Variants in PTPRR observed in about 807,000 individuals in gnomAD.
PTPRR encodes the protein receptor-type tyrosine-protein phosphatase R.
Under a neutral mutation model 77.2 loss-of-function variants are expected in PTPRR, and 38 were observed. The ratio of observed to expected loss-of-function variants is 0.49; its 90% CI spans 0.38 to 0.65. The LOEUF is 0.65. PTPRR is among the 30% of genes least tolerant of loss of function. The pLI is 0.00. For missense variants in PTPRR, 744 were observed against 799.2 expected (o/e 0.93, Z 0.83); for synonymous variants, 299 against 283.1 (o/e 1.06, Z -0.57).
chr12:70,856,159 G>T (rs1387160931), intron 2 of PTPRR, among the ~76,000 whole-genome samples: 1 of 151,998 alleles, frequency 6.6e-6, no homozygotes, highest in East Asian at 1.9e-4. Context: ...ATATTATCAG[G>T]CACTTAAATG....
chr12:70,910,729 C>G (rs1237197682), intron 1 of PTPRR, among the ~76,000 whole-genome samples: 1 of 152,148 alleles, frequency 6.6e-6, no homozygotes, highest in Non-Finnish European at 1.5e-5. Flanking sequence ...AATCCTGATG[C>G]TCTAGAGGTA....
intron 13 of PTPRR, among the ~76,000 whole-genome samples, chr12:70,652,331 G>A (rs1465945771): frequency 1.3e-5 from 2 of 152,128 alleles, no homozygotes; most frequent in Admixed American, 1.3e-4. Flanking sequence ...GTAAGATGAG[G>A]TGAAACGAAA....
chr12:70,817,972 G>C (rs1891934726), intron 2 of PTPRR, among the ~76,000 whole-genome samples: 1 of 152,160 alleles, frequency 6.6e-6, no homozygotes, highest in Non-Finnish European at 1.5e-5. Flanking sequence ...CCAGCAGTTT[G>C]GGAGGCCGAG....
At chr12:70,813,243 T>C (rs1891841533) in intron 2 of PTPRR, among the ~76,000 whole-genome samples, 2 of 152,252 alleles carry the variant, frequency 1.3e-5, no homozygotes, top group African/African-American at 4.8e-5. Context: ...AATGTTGATA[T>C]GCAATGTATA....
chr12:70,788,828 T>G (rs1342199414), intron 2 of PTPRR: 1 of 1,525,640 alleles, frequency 6.6e-7, no homozygotes, highest in East Asian at 2.5e-5. Flanking sequence ...GTTTGGAAAT[T>G]GACTGCATGT....
chr12:70,904,153 G>A (rs1319151689), intron 1 of PTPRR, among the ~76,000 whole-genome samples: 1 of 151,858 alleles, frequency 6.6e-6, no homozygotes, highest in African/African-American at 2.4e-5. Flanking sequence ...TGGTTTGACA[G>A]TTTCTTGTAA....
rs529795097 is a variant in PTPRR, at chr12:70,698,991, T to C, written c.1195-642A>G. On this transcript the variant is annotated intron_variant, in intron 7 of 13. Coordinates refer to ENST00000283228, the MANE Select transcript of PTPRR (RefSeq NM_002849.4). ...ATTCTTATTTTATCAGAGTATACATTATATGCCTCAAGTGATTGGACAGGG... is the reference window on the plus strand; with the variant it reads ...ATTCTTATTTTATCAGAGTATACATCATATGCCTCAAGTGATTGGACAGGG... Among the ~76,000 whole-genome samples the C allele has an allele frequency of 2.6e-4, 40 of 152,284 alleles. 1 individual carries two copies. The South Asian group carries it at 8.3e-3, about 32-fold the overall frequency.
At chr12:70,754,808 A>C in intron 4 of PTPRR, 1 of 1,396,824 alleles carries the variant, frequency 7.2e-7, no homozygotes. Flanking sequence ...TCTTTTAATC[A>C]CATCTTTTTT....
At chr12:70,884,695 G>A (rs1300173123) in intron 2 of PTPRR, among the ~76,000 whole-genome samples, 16 of 145,154 alleles carry the variant, frequency 1.1e-4, no homozygotes, top group African/African-American at 3.3e-4. Context: ...GTGAAACCCC[G>A]TCTCTACTAA....
intron 2 of PTPRR, among the ~76,000 whole-genome samples, chr12:70,855,780 T>C (rs1892641355): frequency 6.6e-6 from 1 of 152,182 alleles, no homozygotes; most frequent in African/African-American, 2.4e-5. Context: ...TTTTAAGGCT[T>C]TTAGGCCAAA....
chr12:70,756,738 T>C (rs1592736511), intron 4 of PTPRR, among the ~76,000 whole-genome samples: 1 of 152,166 alleles, frequency 6.6e-6, no homozygotes. Context: ...TGTTTAATAA[T>C]TTGATGCACT....
At chr12:70,761,679 A>G in intron 3 of PTPRR, 53 bp from the exon 4 acceptor site, 1 of 1,384,114 alleles carries the variant, frequency 7.2e-7, no homozygotes, top group Non-Finnish European at 9.7e-7. Context: ...ACAACTTTGG[A>G]TAATATTTTT....
chr12:70,655,352 A>T (rs1332280186), intron 13 of PTPRR, among the ~76,000 whole-genome samples: 1 of 152,230 alleles, frequency 6.6e-6, no homozygotes, highest in Non-Finnish European at 1.5e-5. Flanking sequence ...TCAAAAAATT[A>T]AAAATAGAAT....
At chr12:70,812,601 C>T (rs1271414327) in intron 2 of PTPRR, among the ~76,000 whole-genome samples, 2 of 152,156 alleles carry the variant, frequency 1.3e-5, no homozygotes, top group African/African-American at 4.8e-5. Flanking sequence ...ACTGCAATAA[C>T]AATTAACTAT....
At chr12:70,728,041 A>G (rs576297222) in intron 6 of PTPRR, among the ~76,000 whole-genome samples, 1 of 149,906 alleles carries the variant, frequency 6.7e-6, no homozygotes, top group East Asian at 2.0e-4. Flanking sequence ...CTAAGGCCCC[A>G]TAGAGCATAA....
intron 1 of PTPRR, among the ~76,000 whole-genome samples, chr12:70,905,803 T>TA (rs1893612838): frequency 6.6e-6 from 1 of 151,944 alleles, no homozygotes; most frequent in Admixed American, 6.6e-5. Context: ...AAAGAAAGAA[T>TA]AAAACAGTGG....
intron 10 of PTPRR, among the ~76,000 whole-genome samples, chr12:70,667,205 C>T (rs536125428): frequency 2.0e-5 from 3 of 152,148 alleles, no homozygotes; most frequent in Admixed American, 2.0e-4. Context: ...ATCCTCCTGC[C>T]TTGGCCTCCC....
intron 2 of PTPRR, among the ~76,000 whole-genome samples, chr12:70,828,815 G>A (rs984030110): frequency 6.6e-6 from 1 of 152,316 alleles, no homozygotes; most frequent in African/African-American, 2.4e-5. Context: ...TGTTGATAGT[G>A]TCGTGTGACT....
At chr12:70,766,486 C>T (rs1042984020) in intron 2 of PTPRR, among the ~76,000 whole-genome samples, 1 of 152,120 alleles carries the variant, frequency 6.6e-6, no homozygotes, top group African/African-American at 2.4e-5. Flanking sequence ...AAGAAGTGAA[C>T]AAAGCCTCCA....
Sources: gnomAD v4.1 joint callset for allele counts (sites outside exome capture counted in the v4.1 genomes callset) on GRCh38, gnomAD v4.1.1 for gene constraint, MANE v1.5 for transcripts, NCBI Gene and HGNC (gene_info 2026-07-23, HGNC 2026-07-21) for gene names.